The following KIAA1549 variants were observed in gnomAD, a reference collection of about 807,000 sequenced individuals.
The protein encoded by KIAA1549 is UPF0606 protein KIAA1549.
KIAA1549 carries 70 observed loss-of-function variants against 156.4 expected under a neutral mutation model. The observed-to-expected ratio is 0.45, with a 90% CI of 0.37 to 0.55. The LOEUF (loss-of-function observed/expected upper bound fraction) is 0.55, where lower values mean the gene tolerates loss of function less well. Among genes scored for constraint, KIAA1549 ranks in the 20% least tolerant of loss-of-function variants. KIAA1549 has a pLI of 0.00. For missense variants in KIAA1549, 2,428 were observed against 2,540.9 expected (o/e 0.96, Z 0.96); for synonymous variants, 1,103 against 1,066.4 (o/e 1.03, Z -0.67).
intron 8 of KIAA1549, among the ~76,000 whole-genome samples, chr7:138,900,179 G>A (rs188251777): frequency 2.6e-4 from 39 of 152,272 alleles, no homozygotes; most frequent in Admixed American, 1.3e-3. Context: ...TTCACCACGG[G>A]AAACTTCTGG....
At chr7:138,869,112 G>C (rs1466656991) in intron 14 of KIAA1549, among the ~76,000 whole-genome samples, 1 of 152,206 alleles carries the variant, frequency 6.6e-6, no homozygotes, top group Admixed American at 6.5e-5. Context: ...CTGGGTGCCA[G>C]CCTGGGTGGC....
intron 17 of KIAA1549, among the ~76,000 whole-genome samples, chr7:138,845,738 T>C (rs1810054950): frequency 6.6e-6 from 1 of 152,222 alleles, no homozygotes; most frequent in African/African-American, 2.4e-5. Context: ...CTCTCGGTGC[T>C]AGGAAGTTGT....
intron 1 of KIAA1549, among the ~76,000 whole-genome samples, chr7:138,932,284 G>A (rs1294211142): frequency 6.6e-6 from 1 of 152,232 alleles, no homozygotes; most frequent in Non-Finnish European, 1.5e-5. Context: ...GTGGCACTAT[G>A]TGGGCAAAGG....
intron 18 of KIAA1549, among the ~76,000 whole-genome samples, chr7:138,842,881 G>A (rs1029069227): frequency 3.3e-5 from 5 of 152,096 alleles, no homozygotes; most frequent in African/African-American, 1.2e-4. Context: ...AGTATCTGGG[G>A]AAACTAACAA....
chr7:138,851,184 T>A (rs1043821244), intron 17 of KIAA1549, among the ~76,000 whole-genome samples: 8 of 152,232 alleles, frequency 5.3e-5, no homozygotes, highest in African/African-American at 1.7e-4. Context: ...TAATTCATTA[T>A]AGATCTGAAT....
At chr7:138,871,496 A>T (rs1035142228) in intron 12 of KIAA1549, 134 bp from the exon 13 acceptor site, 8 of 658,556 alleles carry the variant, frequency 1.2e-5, no homozygotes, top group Admixed American at 6.9e-5. Context: ...CTGCAGTAGC[A>T]GAGTGTTTAC....
At chr7:138,862,575 T>C (rs888712661) in intron 15 of KIAA1549, among the ~76,000 whole-genome samples, 1 of 151,604 alleles carries the variant, frequency 6.6e-6, no homozygotes, top group Non-Finnish European at 1.5e-5. Flanking sequence ...ATCTATTTTA[T>C]GAAAACTATT....
At chr7:138,908,634 C>A (rs1812076165) in intron 5 of KIAA1549, among the ~76,000 whole-genome samples, 1 of 152,184 alleles carries the variant, frequency 6.6e-6, no homozygotes. Flanking sequence ...ATGATACGTA[C>A]AACACCCGTT....
chr7:138,908,961 C>T (rs760411475), intron 5 of KIAA1549, 30 bp downstream of exon 5: 3 of 1,612,996 alleles, frequency 1.9e-6, no homozygotes, highest in African/African-American at 1.3e-5. Flanking sequence ...GGGCTAAAGC[C>T]TTCTGCTCTG....
rs77889190 is a variant in KIAA1549 at position 138,920,155 on chromosome 7, C to G, written c.188-717G>C. ...CCATGGCTGTGCACATTCTCACCCC[C>G]GCCTGGAATGCCCTTCCCAGCTCTC... On this transcript the variant is annotated intron_variant, in intron 1 of 19. Coordinates refer to ENST00000422774, the MANE Select transcript of KIAA1549 (RefSeq NM_001164665.2). Among the ~76,000 whole-genome samples, 1,049 of 120,340 alleles carry G rather than the reference C, an allele frequency of 8.7e-3. 2 individuals carry two copies. Among genetic ancestry groups the G allele is most frequent in the Admixed American group, 0.015 (188 of 12,552 alleles). The allele number at this position is 120,340 out of a possible 152,430, so 78.9% of individuals were successfully genotyped here.
chr7:138,907,731 C>A (rs897511393), intron 5 of KIAA1549, among the ~76,000 whole-genome samples: 11 of 152,196 alleles, frequency 7.2e-5, no homozygotes, highest in African/African-American at 2.7e-4. Flanking sequence ...CAGGCCCTCA[C>A]CCAGAACAAG....
At chr7:138,975,804 T>C (rs766118784) in intron 1 of KIAA1549, among the ~76,000 whole-genome samples, 6 of 152,186 alleles carry the variant, frequency 3.9e-5, no homozygotes, top group African/African-American at 7.2e-5. Flanking sequence ...CTAGTGTAAT[T>C]ATAATGACGG....
intron 10 of KIAA1549, among the ~76,000 whole-genome samples, chr7:138,888,294 T>C (rs1306166796): frequency 6.6e-6 from 1 of 152,186 alleles, no homozygotes; most frequent in Non-Finnish European, 1.5e-5. Context: ...AAAGAACAAA[T>C]AAGGGAGAGC....
At chr7:138,872,685 GC>G (rs2130388667) in intron 12 of KIAA1549, among the ~76,000 whole-genome samples, 1 of 152,320 alleles carries the variant, frequency 6.6e-6, no homozygotes, top group Admixed American at 6.5e-5. Flanking sequence ...CAAGAGGATT[GC>G]TTGAGCCCAG....
intron 13 of KIAA1549, among the ~76,000 whole-genome samples, chr7:138,870,733 A>T (rs1810903793): frequency 6.6e-6 from 1 of 152,260 alleles, no homozygotes; most frequent in South Asian, 2.1e-4. Context: ...AATCCTTGTC[A>T]GCAGCTTATG....
In KIAA1549 at chr7:138,903,862, C is replaced by CGT. The variant is rs753878636; in HGVS notation, c.3521-127_3521-126insAC. On this transcript the variant is annotated intron_variant, in intron 7 of 19. Transcript: ENST00000422774. ...GTGTGTGTGTGTGTGTGCGCGCGCG[C>CGT]GCGCGCGCACATATGTATTTGAAAT... 4,837 of 644,780 alleles carry CGT rather than the reference C, an allele frequency of 7.5e-3. 917 individuals are homozygous for CGT. The highest frequency in any genetic ancestry group is 0.015 in the South Asian group (707 of 46,948). The allele number at this position is 644,780 out of a possible 1,614,324, so 39.9% of individuals were successfully genotyped here. A position where few individuals can be genotyped will look rare whatever the true frequency, so the allele number is the denominator to read the frequency against.
intron 1 of KIAA1549, among the ~76,000 whole-genome samples, chr7:138,942,858 C>G (rs761693895): frequency 7.9e-5 from 12 of 151,488 alleles, no homozygotes; most frequent in Non-Finnish European, 1.8e-4. Context: ...TGCAGTGAGC[C>G]GAGATCGTGC....
intron 15 of KIAA1549, among the ~76,000 whole-genome samples, chr7:138,861,682 C>A (rs1265412166): frequency 1.3e-5 from 2 of 149,100 alleles, no homozygotes; most frequent in Non-Finnish European, 3.0e-5. Flanking sequence ...TGAGACCCCC[C>A]CCATCTCTAA....
intron 1 of KIAA1549, among the ~76,000 whole-genome samples, chr7:138,957,060 C>T (rs886072948): frequency 2.0e-5 from 3 of 152,176 alleles, no homozygotes; most frequent in Non-Finnish European, 4.4e-5. Context: ...GAGGGAAGTA[C>T]AGAATCAAGC....
Sources: allele counts gnomAD v4.1 joint callset (sites outside exome capture counted in the v4.1 genomes callset), GRCh38; gene constraint gnomAD v4.1.1; transcripts MANE v1.5; gene names NCBI Gene and HGNC (gene_info 2026-07-23, HGNC 2026-07-21).